The following APBB2 variants were observed in gnomAD, a reference collection of about 807,000 sequenced individuals.
APBB2 encodes the protein amyloid beta precursor protein binding family B member 2.
APBB2 carries 38 observed loss-of-function variants against 82.5 expected under a neutral mutation model. The ratio of observed to expected loss-of-function variants is 0.46; its 90% confidence interval spans 0.36 to 0.60. APBB2 has a LOEUF of 0.60. APBB2 is among the 20% of genes least tolerant of loss of function. APBB2 has a pLI of 0.00. For synonymous variants in APBB2, 341 were observed against 368.2 expected, an observed-to-expected ratio of 0.93 and a Z score of 0.85; for missense variants, 772 against 972.3, an observed-to-expected ratio of 0.79 and a Z score of 2.74.
chr4:41,149,379 T>C (rs1761622536), intron 1 of APBB2, among the ~76,000 whole-genome samples: 1 of 152,184 alleles, frequency 6.6e-6, no homozygotes. Flanking sequence ...AAAAAATTTT[T>C]ATTTAATTAA....
chr4:40,952,988 T>C (rs1372885663), intron 6 of APBB2, among the ~76,000 whole-genome samples: 1 of 152,124 alleles, frequency 6.6e-6, no homozygotes, highest in African/African-American at 2.4e-5. Context: ...AGGTAAACTA[T>C]GTCCTCATAT....
At chr4:41,050,616 A>C (rs1215366283) in intron 4 of APBB2, among the ~76,000 whole-genome samples, 1 of 152,212 alleles carries the variant, frequency 6.6e-6, no homozygotes, top group African/African-American at 2.4e-5. Flanking sequence ...CAAGCCTGAA[A>C]ACCATAGTCG....
chr4:41,202,144 T>C (rs997027582), intron 1 of APBB2, among the ~76,000 whole-genome samples: 1 of 152,258 alleles, frequency 6.6e-6, no homozygotes, highest in African/African-American at 2.4e-5. Context: ...TGTTGTACAA[T>C]GATCACCACC....
chr4:41,154,612 G>GT (rs1307010847), intron 1 of APBB2, among the ~76,000 whole-genome samples: 1 of 152,158 alleles, frequency 6.6e-6, no homozygotes, highest in Non-Finnish European at 1.5e-5. Flanking sequence ...AAACCAAGCT[G>GT]TAGCCCAACT....
chr4:40,889,671 ACTG>A (rs1327604336), intron 12 of APBB2, among the ~76,000 whole-genome samples: 1 of 152,222 alleles, frequency 6.6e-6, no homozygotes, highest in African/African-American at 2.4e-5. Flanking sequence ...GTCTGTGATA[ACTG>A]CTATTTTATT....
chr4:41,033,301 A>C lies in APBB2; in HGVS notation c.-47T>G. ...GGTGCAGGAAATAGGTTATAATTTG[A>C]AATCTAAAAAGAAGGGATCATTTGA... On this transcript the variant is annotated 5_prime_UTR_variant, in exon 5 of 18. Coordinates refer to ENST00000508593, the MANE Select transcript of APBB2 (RefSeq NM_004307.2). 6 of 1,567,322 alleles carry C rather than the reference A, an allele frequency of 3.8e-6. No homozygotes were observed. The highest frequency in any genetic ancestry group is 5.2e-6 in the Non-Finnish European group (6 of 1,154,464).
At chr4:41,122,256 A>G (rs1036003303) in intron 2 of APBB2, among the ~76,000 whole-genome samples, 1 of 152,202 alleles carries the variant, frequency 6.6e-6, no homozygotes, top group Non-Finnish European at 1.5e-5. Context: ...AACAAGTACA[A>G]TGACACTTGA....
chr4:41,120,674 C>G (rs1365649009), intron 2 of APBB2, among the ~76,000 whole-genome samples: 1 of 152,052 alleles, frequency 6.6e-6, no homozygotes, highest in East Asian at 1.9e-4. Flanking sequence ...TGGCCAGATT[C>G]CAGAAAAAGT....
chr4:41,135,362 T>C (rs147025523), intron 2 of APBB2, among the ~76,000 whole-genome samples: 2 of 152,318 alleles, frequency 1.3e-5, no homozygotes, highest in African/African-American at 4.8e-5. Flanking sequence ...CCAATGTTGA[T>C]ACTTGTTTTT....
chr4:41,016,642 ACT>A (rs1298282260), intron 5 of APBB2, among the ~76,000 whole-genome samples: 1 of 151,544 alleles, frequency 6.6e-6, no homozygotes, highest in African/African-American at 2.4e-5. Context: ...CAAGAGCAAA[ACT>A]CTGTCTCAAA....
chr4:40,826,880 C>A lies in APBB2; in HGVS notation c.1732+252G>T. On this transcript the variant is annotated intron_variant, in intron 14 of 17. Transcript: ENST00000508593. This position sits in a 1 kb window ranked among gnomAD's most constrained non-coding sequence, Gnocchi z 4.5. ...ATACAAAACAAAATGAAAACGAAGG[C>A]AAAAACTAAAGACAATATTCTTTAA... The A allele has an allele frequency of 2.6e-6, 1 of 387,816 alleles. No homozygotes were observed. The highest frequency in any genetic ancestry group is 4.7e-5 in the South Asian group (1 of 21,380). The allele number at this position is 387,816 out of a possible 1,614,324, so 24.0% of individuals were successfully genotyped here.
At chr4:41,146,276 A>C (rs1290443652) in intron 1 of APBB2, among the ~76,000 whole-genome samples, 1 of 150,560 alleles carries the variant, frequency 6.6e-6, no homozygotes, top group African/African-American at 2.4e-5. Flanking sequence ...CAGTGAGCTA[A>C]GATAGCAGCA....
At chr4:41,211,795 T>G (rs1561052992) in intron 1 of APBB2, among the ~76,000 whole-genome samples, 1 of 152,216 alleles carries the variant, frequency 6.6e-6, no homozygotes, top group Non-Finnish European at 1.5e-5. Flanking sequence ...TATTGTCTAT[T>G]TTTAAAATGA....
At chr4:41,064,079 C>T (rs1390902423) in intron 4 of APBB2, among the ~76,000 whole-genome samples, 4 of 140,686 alleles carry the variant, frequency 2.8e-5, no homozygotes, top group African/African-American at 1.1e-4. Context: ...CCCGGGTTCA[C>T]GCCATCCTCC....
At chr4:41,193,514 G>A in intron 1 of APBB2, 3 of 974,538 alleles carry the variant, frequency 3.1e-6, no homozygotes, top group Non-Finnish European at 3.7e-6. Context: ...CCTAGACCAT[G>A]GTACTCCCAC....
At chr4:40,872,786 T>C (rs1765855153) in intron 12 of APBB2, among the ~76,000 whole-genome samples, 1 of 143,728 alleles carries the variant, frequency 7.0e-6, no homozygotes, top group Admixed American at 7.0e-5. Flanking sequence ...TGATAAAGGT[T>C]AAAAAAAAAA....
chr4:41,105,298 T>C (rs1352027236), intron 2 of APBB2, among the ~76,000 whole-genome samples: 2 of 152,204 alleles, frequency 1.3e-5, no homozygotes, highest in Non-Finnish European at 2.9e-5. Flanking sequence ...AAATGTGCTT[T>C]TGTATTTTTT....
chr4:40,879,426 T>TA (rs1767793237), intron 12 of APBB2, among the ~76,000 whole-genome samples: 1 of 152,146 alleles, frequency 6.6e-6, no homozygotes, highest in African/African-American at 2.4e-5. Context: ...CTCTGATACT[T>TA]AAACACCAAT....
intron 17 of APBB2, among the ~76,000 whole-genome samples, chr4:40,819,190 T>C (rs55791814): frequency 0.15 from 14,058 of 92,320 alleles, 328 homozygotes; most frequent in Non-Finnish European, 0.19. Flanking sequence ...TTTTTTTTTC[T>C]TTTTTTTTTT....
Sources: allele counts gnomAD v4.1 joint callset (sites outside exome capture counted in the v4.1 genomes callset), GRCh38; gene constraint gnomAD v4.1.1; non-coding constraint Gnocchi (gnomAD v3.1); transcripts MANE v1.5; gene names NCBI Gene and HGNC (gene_info 2026-07-23, HGNC 2026-07-21).